DNAH8: variants seen among roughly 807,000 people sequenced by gnomAD.
The protein encoded by DNAH8 is axonemal beta dynein heavy chain 8.
Under a neutral mutation model 562.1 loss-of-function variants are expected in DNAH8, and 382 were observed. The observed-to-expected ratio is 0.68, with a 90% CI of 0.63 to 0.74. DNAH8 has a LOEUF of 0.74. DNAH8 is among the 30% of genes least tolerant of loss of function. DNAH8 has a pLI of 0.00. For missense variants in DNAH8, 5,203 were observed against 5,620.4 expected (o/e 0.93, Z 2.37); for synonymous variants, 1,881 against 1,919.4 (o/e 0.98, Z 0.52).
At chr6:38,873,398 T>C (rs1345078894) in intron 52 of DNAH8, 22 bp downstream of exon 52, 2 of 1,564,052 alleles carry the variant, frequency 1.3e-6, no homozygotes, top group Non-Finnish European at 1.7e-6. Flanking sequence ...TTTTGTACAT[T>C]TACTACTTCG....
At chr6:38,920,687 T>C (rs1265535788) in intron 70 of DNAH8, among the ~76,000 whole-genome samples, 1 of 152,114 alleles carries the variant, frequency 6.6e-6, no homozygotes, top group African/African-American at 2.4e-5. Context: ...ATCCAACACG[T>C]AGAATATCAT....
At chr6:38,750,936 C>T (rs1252409678) in intron 9 of DNAH8, among the ~76,000 whole-genome samples, 1 of 151,980 alleles carries the variant, frequency 6.6e-6, no homozygotes, top group African/African-American at 2.4e-5. Context: ...TATTTTAACC[C>T]ATATTTAAAT....
At chr6:38,725,647 G>C (rs959758255) in intron 3 of DNAH8, among the ~76,000 whole-genome samples, 1 of 152,158 alleles carries the variant, frequency 6.6e-6, no homozygotes, top group African/African-American at 2.4e-5. Flanking sequence ...GGTCACCAAA[G>C]TTCCCCGCTG....
chr6:38,932,075 AG>A, intron 76 of DNAH8, 82 bp downstream of exon 76: 2 of 1,160,496 alleles, frequency 1.7e-6, no homozygotes, highest in Non-Finnish European at 2.4e-6. Context: ...TATGTGAAAA[AG>A]AAAAAAAAAT....
intron 3 of DNAH8, 150 bp from the exon 4 acceptor site, chr6:38,729,752 C>T (rs1277789536): frequency 1.0e-5 from 6 of 585,170 alleles, no homozygotes; most frequent in Non-Finnish European, 1.5e-5. Context: ...TACTATATTG[C>T]ACAGTAATTT....
chr6:38,863,457 AC>A, intron 44 of DNAH8, among the ~76,000 whole-genome samples: 1 of 152,030 alleles, frequency 6.6e-6, no homozygotes, highest in Non-Finnish European at 1.5e-5. Context: ...AAAAACAAAA[AC>A]AAAAAACCCC....
At chr6:38,836,281 G>C (rs1774282636) in intron 32 of DNAH8, among the ~76,000 whole-genome samples, 1 of 151,866 alleles carries the variant, frequency 6.6e-6, no homozygotes, top group Admixed American at 6.6e-5. Context: ...ATTTTACCCA[G>C]GGGTGTGGTT....
At chr6:39,023,158 A>G (rs1767034867) in intron 91 of DNAH8, among the ~76,000 whole-genome samples, 1 of 152,124 alleles carries the variant, frequency 6.6e-6, no homozygotes, top group Admixed American at 6.5e-5. Context: ...TCATTTTTGC[A>G]CCACTGATGA....
intron 7 of DNAH8, among the ~76,000 whole-genome samples, 187 bp downstream of exon 7, chr6:38,738,159 A>G (rs966276066): frequency 2.0e-5 from 3 of 152,186 alleles, no homozygotes; most frequent in African/African-American, 7.2e-5. Context: ...TTTGAAATCA[A>G]TTTTAAGATA....
intron 88 of DNAH8, among the ~76,000 whole-genome samples, chr6:38,990,728 A>G (rs1764726183): frequency 6.6e-6 from 1 of 152,172 alleles, no homozygotes; most frequent in Non-Finnish European, 1.5e-5. Flanking sequence ...CCGGGAGGAA[A>G]GAGTGGAGGG....
chr6:38,833,902 T>C (rs1370789875), intron 31 of DNAH8, among the ~76,000 whole-genome samples: 1 of 152,246 alleles, frequency 6.6e-6, no homozygotes, highest in Non-Finnish European at 1.5e-5. Flanking sequence ...CATGTTAATA[T>C]ACTTAATAGC....
Position 38,896,192 on chromosome 6 carries a change from C to A in DNAH8, c.8907C>A (p.Asp2969Glu). The A allele has an allele frequency of 6.2e-7, 1 of 1,613,940 alleles. No individual in the cohort carries two copies. The highest frequency in any genetic ancestry group is 8.5e-7 in the Non-Finnish European group (1 of 1,179,934). Residue 2969 changes from aspartate (D) to glutamate (E), a missense_variant, in exon 60 of 93, where the codon GAC becomes GAA. Asp to Glu is a conservative substitution (Grantham distance 45). Around this residue, in one of 6 missense-constraint regions of DNAH8, gnomAD observed 977 missense variants for 1,061.8 expected, o/e 0.92. Transcript: ENST00000327475. ...AACCAACTGGTGATGAACCTGAAGACTCTGTGTTTGAAGTACCCAAAATAT... is the reference window on the plus strand; with the variant it reads ...AACCAACTGGTGATGAACCTGAAGAATCTGTGTTTGAAGTACCCAAAATAT... The part of the protein sequence containing the change: ...MPEPTGDEPE[D>E]SVFEVPKIYE...
intron 60 of DNAH8, among the ~76,000 whole-genome samples, chr6:38,896,817 T>C (rs1437396922): frequency 6.6e-6 from 1 of 152,036 alleles, no homozygotes; most frequent in Non-Finnish European, 1.5e-5. Context: ...ATGGAGTCTC[T>C]CTCTGTCACC....
At chr6:38,835,933 T>C (rs1774247673) in intron 32 of DNAH8, among the ~76,000 whole-genome samples, 1 of 152,032 alleles carries the variant, frequency 6.6e-6, no homozygotes, top group Non-Finnish European at 1.5e-5. Context: ...GAGAGGAAGA[T>C]CAAACTGAGG....
At chr6:38,999,002 T>A (rs1222621794) in intron 88 of DNAH8, among the ~76,000 whole-genome samples, 2 of 152,180 alleles carry the variant, frequency 1.3e-5, no homozygotes, top group Non-Finnish European at 2.9e-5. Context: ...GAAAAAGAAA[T>A]GTGAGTTGTT....
intron 82 of DNAH8, among the ~76,000 whole-genome samples, chr6:38,958,176 T>G (rs1437026963): frequency 1.3e-5 from 2 of 151,578 alleles, no homozygotes; most frequent in Non-Finnish European, 2.9e-5. Context: ...TAATTTTTTT[T>G]TTGTATTTTT....
intron 82 of DNAH8, among the ~76,000 whole-genome samples, chr6:38,964,584 T>C (rs1265513247): frequency 4.6e-5 from 7 of 151,828 alleles, no homozygotes; most frequent in African/African-American, 1.7e-4. Flanking sequence ...CAAGGGTGTT[T>C]AATCTAGTGC....
rs557915443 is a variant in DNAH8, at chr6:38,752,030, T to C, written c.1407+1441T>C. ...GATTAGGAAACCGAGTTTGAACATT[T>C]CTATGATGATCCGTGATGGGACCAA... On this transcript the variant is annotated intron_variant, in intron 9 of 92. Coordinates refer to ENST00000327475, the MANE Select transcript of DNAH8 (RefSeq NM_001206927.2). Among the ~76,000 whole-genome samples, 3 of 152,362 alleles carry C rather than the reference T, an allele frequency of 2.0e-5. No individual in the cohort carries two copies. In the South Asian group the frequency reaches 6.2e-4, roughly 32 times the overall value.
intron 88 of DNAH8, among the ~76,000 whole-genome samples, chr6:38,999,934 A>AACAC (rs61608266): frequency 0.15 from 21,391 of 146,650 alleles, 1,703 homozygotes; most frequent in East Asian, 0.35. Context: ...CACACACACA[A>AACAC]ACACACACAC....
Sources: allele counts gnomAD v4.1 joint callset (sites outside exome capture counted in the v4.1 genomes callset), GRCh38; gene constraint gnomAD v4.1.1; regional missense constraint gnomAD v4.1.1; transcripts MANE v1.5; gene names NCBI Gene and HGNC (gene_info 2026-07-23, HGNC 2026-07-21).